The following INPP4B variants were observed in gnomAD, a reference collection of about 807,000 sequenced individuals.
INPP4B encodes inositol polyphosphate-4-phosphatase type II B.
INPP4B carries 55 observed loss-of-function variants against 122.5 expected under a neutral mutation model. The observed-to-expected ratio is 0.45, with a 90% CI of 0.36 to 0.56. The LOEUF is 0.56. Among genes scored for constraint, INPP4B ranks in the 20% least tolerant of loss-of-function variants. INPP4B has a pLI of 0.00. For missense variants in INPP4B, 1,000 were observed against 1,097.7 expected (o/e 0.91, Z 1.26); for synonymous variants, 403 against 388.7 (o/e 1.04, Z -0.43).
intron 7 of INPP4B, among the ~76,000 whole-genome samples, chr4:142,377,031 C>T (rs541912399): frequency 7.2e-5 from 11 of 152,060 alleles, no homozygotes; most frequent in African/African-American, 2.7e-4. Flanking sequence ...ATTTTTCATG[C>T]ATTAACACCA....
chr4:142,273,098 T>C (rs1746656718), intron 9 of INPP4B, among the ~76,000 whole-genome samples: 2 of 152,030 alleles, frequency 1.3e-5, no homozygotes, highest in Non-Finnish European at 1.5e-5. Context: ...GCAAGTCATT[T>C]ACCCATGTGA....
At chr4:142,245,746 T>C (rs1198385317) in intron 11 of INPP4B, among the ~76,000 whole-genome samples, 1 of 151,578 alleles carries the variant, frequency 6.6e-6, no homozygotes, top group Non-Finnish European at 1.5e-5. Flanking sequence ...GAGGCCTCTA[T>C]TCTGTTCATA....
intron 2 of INPP4B, among the ~76,000 whole-genome samples, chr4:142,579,909 A>AGATG (rs1311665229): frequency 1.3e-5 from 2 of 151,034 alleles, no homozygotes; most frequent in South Asian, 2.1e-4. Context: ...ATAGATAGAT[A>AGATG]GATAGATAGA....
chr4:142,264,621 G>A (rs1026328214), intron 10 of INPP4B, among the ~76,000 whole-genome samples: 1 of 151,986 alleles, frequency 6.6e-6, no homozygotes, highest in African/African-American at 2.4e-5. Context: ...TATGATTTAT[G>A]GAAACAAGAA....
At chr4:142,222,358 A>G (rs1849712463) in intron 12 of INPP4B, among the ~76,000 whole-genome samples, 1 of 152,214 alleles carries the variant, frequency 6.6e-6, no homozygotes, top group Admixed American at 6.5e-5. Context: ...TCTAAATGTA[A>G]TCCATCACCA....
At chr4:142,044,426 C>T (rs1446944877) in intron 25 of INPP4B, among the ~76,000 whole-genome samples, 2 of 152,080 alleles carry the variant, frequency 1.3e-5, no homozygotes, top group African/African-American at 4.8e-5. Flanking sequence ...TCAAATGCTG[C>T]AGTTGGAGCA....
chr4:142,793,945 T>C (rs902515295), intron 1 of INPP4B, among the ~76,000 whole-genome samples: 1 of 152,036 alleles, frequency 6.6e-6, no homozygotes, highest in East Asian at 1.9e-4. Flanking sequence ...TATTCATATA[T>C]TGGAAAATTA....
At chr4:142,255,445 G>A (rs1366949284) in intron 11 of INPP4B, among the ~76,000 whole-genome samples, 1 of 152,134 alleles carries the variant, frequency 6.6e-6, no homozygotes. Context: ...TCAGTGTGCT[G>A]TATTCAGGAA....
intron 15 of INPP4B, among the ~76,000 whole-genome samples, chr4:142,180,054 A>C (rs550943802): frequency 6.6e-6 from 1 of 152,272 alleles, no homozygotes; most frequent in East Asian, 1.9e-4. Flanking sequence ...AGGAGTAAAA[A>C]TCATACCCCA....
intron 1 of INPP4B, among the ~76,000 whole-genome samples, chr4:142,812,905 T>A (rs1194098290): frequency 6.6e-6 from 1 of 152,142 alleles, no homozygotes; most frequent in Non-Finnish European, 1.5e-5. Flanking sequence ...TATGGGGGAT[T>A]TTCATCTGTC....
intron 7 of INPP4B, among the ~76,000 whole-genome samples, chr4:142,326,566 C>T (rs939334053): frequency 6.6e-6 from 1 of 152,160 alleles, no homozygotes; most frequent in African/African-American, 2.4e-5. Flanking sequence ...CCACTGCCTC[C>T]ATCCATTTCC....
intron 25 of INPP4B, among the ~76,000 whole-genome samples, chr4:142,056,666 G>A (rs901811392): frequency 4.6e-5 from 7 of 152,180 alleles, no homozygotes; most frequent in South Asian, 2.1e-4. Context: ...ACAAAGTGCC[G>A]AAAATATCTG....
At chr4:142,307,383 C>A (rs35477802) in intron 8 of INPP4B, among the ~76,000 whole-genome samples, 12,221 of 152,110 alleles carry the variant, frequency 0.08, 593 homozygotes, top group Middle Eastern at 0.21. Context: ...ATTTATTTTG[C>A]ACCTCTCCAA....
chr4:142,663,181 G>T (rs1262241560), intron 2 of INPP4B, among the ~76,000 whole-genome samples: 1 of 152,152 alleles, frequency 6.6e-6, no homozygotes, highest in Non-Finnish European at 1.5e-5. Context: ...AAGTAGTCAG[G>T]CGAGTTATTC....
intron 11 of INPP4B, among the ~76,000 whole-genome samples, chr4:142,252,345 C>T (rs1732679595): frequency 6.6e-6 from 1 of 151,570 alleles, no homozygotes; most frequent in Admixed American, 6.6e-5. Flanking sequence ...CCCGCTACCA[C>T]GCCCGGCTAA....
rs558599594 is a variant in INPP4B, at chr4:142,449,254, C to G, written c.-127+13409G>C. Among the ~76,000 whole-genome samples the G allele has an allele frequency of 9.2e-5, 14 of 152,276 alleles. No individual in the cohort carries two copies. The East Asian group carries it at 2.1e-3, about 23-fold the overall frequency. The stretch of plus-strand genomic sequence containing the variant: ...GGAAGCAACACTGACAGCAAACAGA[C>G]AGAGAAGACCCATGGATCTAGCAAG... On this transcript the variant is annotated intron_variant, in intron 3 of 25. Coordinates refer to ENST00000262992, the MANE Select transcript of INPP4B (RefSeq NM_001101669.3).
chr4:142,253,903 G>T (rs1734012673), intron 11 of INPP4B, among the ~76,000 whole-genome samples: 1 of 152,092 alleles, frequency 6.6e-6, no homozygotes, highest in South Asian at 2.1e-4. Flanking sequence ...CTGGGGGCAG[G>T]GCACAGACAA....
At chr4:142,491,386 C>G (rs1000561482) in intron 2 of INPP4B, among the ~76,000 whole-genome samples, 5 of 152,056 alleles carry the variant, frequency 3.3e-5, no homozygotes, top group South Asian at 4.1e-4. Context: ...ACTAAAGCCT[C>G]ATTGAAAAAT....
chr4:142,096,393 T>C (rs1781800446), intron 23 of INPP4B, among the ~76,000 whole-genome samples: 1 of 152,150 alleles, frequency 6.6e-6, no homozygotes, highest in East Asian at 1.9e-4. Flanking sequence ...GCAACATAGA[T>C]AGTAACATAG....
Sources: gnomAD v4.1 joint callset for allele counts (sites outside exome capture counted in the v4.1 genomes callset) on GRCh38, gnomAD v4.1.1 for gene constraint, MANE v1.5 for transcripts, NCBI Gene and HGNC (gene_info 2026-07-23, HGNC 2026-07-21) for gene names.